ATAD2B: variants seen among roughly 807,000 people sequenced by gnomAD.
ATAD2B encodes the protein ATPase family AAA domain-containing protein 2B.
A neutral mutation model predicts 167.6 loss-of-function variants in ATAD2B; 40 were observed. The observed-to-expected ratio is 0.24, with a 90% CI of 0.19 to 0.31. The LOEUF (loss-of-function observed/expected upper bound fraction) is 0.31, where lower values mean the gene tolerates loss of function less well. Among genes scored for constraint, ATAD2B ranks in the 10% least tolerant of loss-of-function variants. The probability of loss-of-function intolerance (pLI) is 1.00; values close to 1 mark genes in which losing one functional copy is unlikely to be tolerated. For missense variants in ATAD2B, 1,242 were observed against 1,757.2 expected (o/e 0.71, Z 5.24); for synonymous variants, 579 against 596.5 (o/e 0.97, Z 0.43).
At chr2:23,784,775 G>C (rs1437455275) in intron 21 of ATAD2B, among the ~76,000 whole-genome samples, 1 of 145,962 alleles carries the variant, frequency 6.9e-6, no homozygotes, top group Non-Finnish European at 1.5e-5. Context: ...AAACACTATG[G>C]GGGGGGGGAT....
rs1572797863 is a variant in ATAD2B, at chr2:23,798,435, A to T, written c.2455-112T>A. 4.8e-6 allele frequency: 4 copies of T among 841,390 alleles called. No homozygotes were observed. The East Asian group carries it at 1.1e-4, about 24-fold the overall frequency. The allele number at this position is 841,390 out of a possible 1,614,324, so 52.1% of individuals were successfully genotyped here. Reference sequence around the variant, plus strand: ...CAGGCCTATTATGGTCATTAGTTTCAGCCTCAAAATTTAAGTTCAAGATAT... The same window carrying T: ...CAGGCCTATTATGGTCATTAGTTTCTGCCTCAAAATTTAAGTTCAAGATAT... On this transcript the variant is annotated intron_variant, in intron 18 of 27. Transcript: ENST00000238789.
chr2:23,746,648 C>T (rs1035301343), downstream of ATAD2B, among the ~76,000 whole-genome samples: 19 of 152,054 alleles, frequency 1.2e-4, no homozygotes, highest in African/African-American at 4.1e-4. Context: ...AGGTATGAGA[C>T]ATGCTTAGGG....
chr2:23,867,485 TC>T (rs1158460465), intron 10 of ATAD2B, among the ~76,000 whole-genome samples: 3 of 152,096 alleles, frequency 2.0e-5, no homozygotes, highest in Admixed American at 6.6e-5. Flanking sequence ...CAGCCTTGCT[TC>T]CCCCAAATTC....
Position 23,757,911 on chromosome 2 carries a change from T to G in ATAD2B, c.3585A>C (p.Gly1195=), listed in dbSNP as rs759881415. 2.0e-5 allele frequency: 32 copies of G among 1,606,542 alleles called. 3 individuals carry two copies. In the South Asian group the frequency reaches 3.5e-4, roughly 17 times the overall value. Residue 1195 remains glycine (G), a synonymous_variant, in exon 25 of 28, where the codon GGA becomes GGC. Transcript: ENST00000238789. ...EVSTDCHEEN[G]EETGDLSMTN... ...TCATAGATAAGTCTCCAGTCTCTTC[T>G]CCATTTTCCTCATGGCAGTCAGTGC...
At chr2:23,761,201 G>A (rs1394704689) in intron 24 of ATAD2B, among the ~76,000 whole-genome samples, 3 of 152,140 alleles carry the variant, frequency 2.0e-5, no homozygotes, top group Non-Finnish European at 2.9e-5. Flanking sequence ...CGGCATCATC[G>A]AGTCCTTTCT....
the ATAD2B span, among the ~76,000 whole-genome samples, chr2:23,685,791 C>T: frequency 8.5e-5 from 13 of 152,204 alleles, no homozygotes; most frequent in African/African-American, 3.1e-4. Flanking sequence ...CTCACCAGGC[C>T]AGGGAGGACT....
At chr2:23,708,954 G>C in the ATAD2B span, among the ~76,000 whole-genome samples, 1 of 152,220 alleles carries the variant, frequency 6.6e-6, no homozygotes, top group African/African-American at 2.4e-5. Flanking sequence ...GAGCCACATG[G>C]CAAGTCCAGC....
At chr2:23,762,914 C>T (rs1441556405) in intron 23 of ATAD2B, among the ~76,000 whole-genome samples, 1 of 152,118 alleles carries the variant, frequency 6.6e-6, no homozygotes, top group African/African-American at 2.4e-5. Flanking sequence ...TTTCTTCTTA[C>T]TCTAATCTAC....
the ATAD2B span, among the ~76,000 whole-genome samples, chr2:23,740,828 C>T: frequency 6.6e-6 from 1 of 152,112 alleles, no homozygotes; most frequent in African/African-American, 2.4e-5. Flanking sequence ...CAAATCTCCT[C>T]AAGCTGATAA....
Position 23,783,023 on chromosome 2 carries a change from T to C in ATAD2B, c.2979A>G (p.Ser993=), listed in dbSNP as rs751660822. Residue 993 remains serine (S), a synonymous_variant, in exon 22 of 28, where the codon TCA becomes TCG. Transcript: ENST00000238789. ...FSKPVDIEEV[S]DYLEVIKEPM... ...GTTCCTTGATTACTTCAAGATAATC[T>C]GAAACCTAAAACAGATATTTTAATA... The C allele has an allele frequency of 4.7e-6, 7 of 1,501,820 alleles. No individual in the cohort carries two copies. Among genetic ancestry groups the C allele is most frequent in the Non-Finnish European group, 6.4e-6 (7 of 1,095,164 alleles). 93.0% of individuals were successfully genotyped at this position (1,501,820 alleles called of 1,614,324 possible). A position where few individuals can be genotyped will look rare whatever the true frequency, so the allele number is the denominator to read the frequency against.
At chr2:23,687,571 G>A in the ATAD2B span, among the ~76,000 whole-genome samples, 1 of 152,224 alleles carries the variant, frequency 6.6e-6, no homozygotes, top group African/African-American at 2.4e-5. Flanking sequence ...ACAGTCTGGT[G>A]GGGACACGCT....
chr2:23,735,180 C>T, the ATAD2B span, among the ~76,000 whole-genome samples: 1 of 152,192 alleles, frequency 6.6e-6, no homozygotes, highest in Non-Finnish European at 1.5e-5. Context: ...CCACCATACT[C>T]CCTTGTATTT....
chr2:23,884,074 G>A (rs1698349101), intron 6 of ATAD2B, among the ~76,000 whole-genome samples: 1 of 152,102 alleles, frequency 6.6e-6, no homozygotes, highest in South Asian at 2.1e-4. Flanking sequence ...AACCCAGGAG[G>A]CGGAGGTTGC....
At chr2:23,916,140 A>G (rs1463291919) in intron 1 of ATAD2B, among the ~76,000 whole-genome samples, 1 of 152,228 alleles carries the variant, frequency 6.6e-6, no homozygotes, top group Non-Finnish European at 1.5e-5. Context: ...AAACATAAAG[A>G]GTTAAAATCC....
chr2:23,836,631 G>T (rs1316874945), intron 13 of ATAD2B, among the ~76,000 whole-genome samples: 1 of 152,154 alleles, frequency 6.6e-6, no homozygotes, highest in Non-Finnish European at 1.5e-5. Context: ...GGAGATCCTG[G>T]AGTGGGCAGC....
chr2:23,919,217 A>G (rs1007342744), intron 1 of ATAD2B, among the ~76,000 whole-genome samples: 2 of 151,932 alleles, frequency 1.3e-5, no homozygotes, highest in South Asian at 2.1e-4. Flanking sequence ...TGTCAATGTG[A>G]AAATAATTTA....
At chr2:23,917,833 G>A (rs1451168798) in intron 1 of ATAD2B, among the ~76,000 whole-genome samples, 1 of 151,852 alleles carries the variant, frequency 6.6e-6, no homozygotes, top group Admixed American at 6.6e-5. Flanking sequence ...CCAAGCCGGG[G>A]GGATCACCTG....
the ATAD2B span, chr2:23,703,577 G>C: frequency 1.7e-6 from 2 of 1,161,888 alleles, no homozygotes; most frequent in Non-Finnish European, 2.3e-6. Context: ...GGTTCCCCTA[G>C]GCCCCGGACC....
downstream of ATAD2B, among the ~76,000 whole-genome samples, chr2:23,746,450 T>C (rs1239575788): frequency 3.3e-5 from 5 of 152,212 alleles, no homozygotes; most frequent in Admixed American, 6.5e-5. Flanking sequence ...GATATAAGTA[T>C]GTTAAATTAT....
Sources: gnomAD v4.1 joint callset for allele counts (sites outside exome capture counted in the v4.1 genomes callset) on GRCh38, gnomAD v4.1.1 for gene constraint, MANE v1.5 for transcripts, NCBI Gene and HGNC (gene_info 2026-07-23, HGNC 2026-07-21) for gene names.